Variants in HPSE2 observed in about 807,000 individuals in gnomAD.
HPSE2 encodes the protein heparanase 2 (inactive).
A neutral mutation model predicts 60.5 loss-of-function variants in HPSE2; 38 were observed. The observed-to-expected ratio is 0.63, with a 90% CI of 0.48 to 0.82. The LOEUF is 0.82. Ranked by LOEUF, HPSE2 falls within the 40% of genes least tolerant of loss-of-function variation. HPSE2 has a pLI of 0.00. For missense variants in HPSE2, 713 were observed against 740.4 expected (o/e 0.96, Z 0.43); for synonymous variants, 295 against 293.2 (o/e 1.01, Z -0.06).
intron 3 of HPSE2, among the ~76,000 whole-genome samples, chr10:98,937,883 A>G (rs1479722876): frequency 2.1e-5 from 3 of 143,302 alleles, no homozygotes; most frequent in African/African-American, 8.6e-5. Flanking sequence ...TACTCCTCTG[A>G]GACAAAACTT....
At chr10:98,620,518 TG>T in intron 8 of HPSE2, 83 bp downstream of exon 8, 1 of 960,756 alleles carries the variant, frequency 1.0e-6, no homozygotes, top group Non-Finnish European at 1.7e-6. Flanking sequence ...ACCCCTAGGA[TG>T]GGCAGAATAA....
At chr10:99,239,499 G>A (rs750555535), upstream of HPSE2, among the ~76,000 whole-genome samples, 7 of 135,540 alleles carry the variant, frequency 5.2e-5, no homozygotes, top group Admixed American at 8.8e-5. Flanking sequence ...GCACGATCTC[G>A]GCTCACTGCA....
chr10:98,468,776 G>A (rs1387934121), intron 11 of HPSE2, among the ~76,000 whole-genome samples: 2 of 152,058 alleles, frequency 1.3e-5, no homozygotes, highest in Non-Finnish European at 2.9e-5. Context: ...CTCTACTGTT[G>A]TTAACAGAGA....
chr10:98,893,337 G>C (rs553425015), intron 3 of HPSE2, among the ~76,000 whole-genome samples: 2 of 152,182 alleles, frequency 1.3e-5, no homozygotes, highest in East Asian at 1.9e-4. Flanking sequence ...AAAGTGTTGG[G>C]ATTACAGGCG....
At chr10:98,760,911 T>A (rs1411592207) in intron 3 of HPSE2, among the ~76,000 whole-genome samples, 1 of 152,126 alleles carries the variant, frequency 6.6e-6, no homozygotes, top group African/African-American at 2.4e-5. Flanking sequence ...ATTCTTTAAA[T>A]GTTTGGTAGA....
chr10:98,978,285 G>A (rs908938969), intron 3 of HPSE2, among the ~76,000 whole-genome samples: 1 of 151,844 alleles, frequency 6.6e-6, no homozygotes, highest in Admixed American at 6.6e-5. Flanking sequence ...CTATAAGCAG[G>A]CCTTTAAAAA....
chr10:98,663,408 G>C (rs1947277545), intron 6 of HPSE2, among the ~76,000 whole-genome samples: 1 of 152,196 alleles, frequency 6.6e-6, no homozygotes, highest in African/African-American at 2.4e-5. Context: ...AATAGGGCTA[G>C]AGGGTTCTAG....
At chr10:98,998,631 G>C (rs1042567289) in intron 3 of HPSE2, among the ~76,000 whole-genome samples, 3 of 152,142 alleles carry the variant, frequency 2.0e-5, no homozygotes, top group Admixed American at 2.0e-4. Flanking sequence ...AAGTGAACCA[G>C]ATCACTCAGT....
chr10:98,641,870 CAG>C lies in HPSE2; in HGVS notation c.1073_1074del (p.Ser358Ter). ...FLKTRLLDTL[S>X]DQIRKIQKVV... is the part of the protein sequence containing the mutation. ...ACTTTCTGAATTTTCCTAATCTGGT[CAG>C]AGAGTGTGTCTAACAGGCGAGTTTT... On this transcript the variant is annotated frameshift_variant, in exon 7 of 12. Coordinates refer to ENST00000370552, the MANE Select transcript of HPSE2 (RefSeq NM_021828.5). LOFTEE classifies it high-confidence loss of function. 1 of 1,613,752 alleles carries C rather than the reference CAG, an allele frequency of 6.2e-7. No homozygotes were observed.
At chr10:99,039,491 T>C (rs895273096) in intron 3 of HPSE2, among the ~76,000 whole-genome samples, 2 of 151,010 alleles carry the variant, frequency 1.3e-5, no homozygotes, top group African/African-American at 4.9e-5. Flanking sequence ...AAATGAAGAC[T>C]ATTAGGATAT....
intron 3 of HPSE2, among the ~76,000 whole-genome samples, chr10:99,017,378 C>T (rs898371160): frequency 3.9e-5 from 6 of 152,154 alleles, no homozygotes; most frequent in African/African-American, 9.7e-5. Flanking sequence ...ATGAAGCCTA[C>T]TATCAAGTGG....
chr10:99,190,357 C>A (rs536082764), intron 2 of HPSE2, among the ~76,000 whole-genome samples: 1 of 152,182 alleles, frequency 6.6e-6, no homozygotes, highest in South Asian at 2.1e-4. Context: ...ATCTATAATA[C>A]AGAAATAATG....
intron 9 of HPSE2, among the ~76,000 whole-genome samples, chr10:98,562,917 A>T (rs1944233737): frequency 6.6e-6 from 1 of 152,092 alleles, no homozygotes; most frequent in African/African-American, 2.4e-5. Flanking sequence ...ATCTGATGTT[A>T]GGATAATCTT....
chr10:99,057,570 A>G (rs1958142258), intron 3 of HPSE2, among the ~76,000 whole-genome samples: 2 of 152,154 alleles, frequency 1.3e-5, no homozygotes, highest in African/African-American at 4.8e-5. Flanking sequence ...AAAAATGCCT[A>G]TAAGCTTTTC....
At chr10:98,860,846 T>TTGTC (rs1952441908) in intron 3 of HPSE2, among the ~76,000 whole-genome samples, 2 of 152,192 alleles carry the variant, frequency 1.3e-5, no homozygotes, top group Admixed American at 1.3e-4. Flanking sequence ...AGCCCTCTAT[T>TTGTC]TGTCTATAAA....
At chr10:99,297,412 T>C in the HPSE2 span, among the ~76,000 whole-genome samples, 1 of 152,292 alleles carries the variant, frequency 6.6e-6, no homozygotes, top group South Asian at 2.1e-4. Flanking sequence ...CACACTCCCA[T>C]AGTATCAGGA....
chr10:99,159,142 A>G (rs1227010732), intron 2 of HPSE2, among the ~76,000 whole-genome samples: 4 of 151,820 alleles, frequency 2.6e-5, no homozygotes, highest in Non-Finnish European at 5.9e-5. Flanking sequence ...CGAAGCAAGC[A>G]AAAAAAAGAA....
chr10:98,946,429 T>A (rs1192604311), intron 3 of HPSE2, among the ~76,000 whole-genome samples: 3 of 146,220 alleles, frequency 2.1e-5, no homozygotes, highest in South Asian at 2.1e-4. Context: ...GTCATGATCA[T>A]ACCACTGCAC....
At chr10:98,731,055 C>T (rs548844777) in intron 4 of HPSE2, among the ~76,000 whole-genome samples, 2 of 152,240 alleles carry the variant, frequency 1.3e-5, no homozygotes, top group Admixed American at 1.3e-4. Context: ...GAGGCTGAGG[C>T]AGGTGGATCA....
Sources: gnomAD v4.1 joint callset for allele counts (sites outside exome capture counted in the v4.1 genomes callset) on GRCh38, gnomAD v4.1.1 for gene constraint, MANE v1.5 for transcripts, NCBI Gene and HGNC (gene_info 2026-07-23, HGNC 2026-07-21) for gene names.